Variants in RPS6KC1 observed in about 807,000 individuals in gnomAD.
RPS6KC1 encodes the protein ribosomal protein S6 kinase C1, also known as inactive ribosomal protein S6 kinase delta-1.
Under a neutral mutation model 103.8 loss-of-function variants are expected in RPS6KC1, and 54 were observed. That is an observed-to-expected ratio of 0.52 (90% CI 0.42 to 0.65). The LOEUF (loss-of-function observed/expected upper bound fraction) is 0.65, where lower values mean the gene tolerates loss of function less well. Among genes scored for constraint, RPS6KC1 ranks in the 30% least tolerant of loss-of-function variants. The pLI, the probability that RPS6KC1 is intolerant of heterozygous loss-of-function variation, is 0.00. For synonymous variants in RPS6KC1, 439 were observed against 438.7 expected (o/e 1.00, Z -0.01); for missense variants, 1,151 against 1,253.8 (o/e 0.92, Z 1.24).
the RPS6KC1 span, among the ~76,000 whole-genome samples, chr1:213,553,463 A>G: frequency 6.6e-6 from 1 of 152,228 alleles, no homozygotes; most frequent in Non-Finnish European, 1.5e-5. Context: ...GTGCTGCAAT[A>G]AACATATGCA....
At chr1:213,346,152 C>T in the RPS6KC1 span, among the ~76,000 whole-genome samples, 1 of 152,108 alleles carries the variant, frequency 6.6e-6, no homozygotes, top group Admixed American at 6.5e-5. Context: ...CAATTTTTGC[C>T]TTGCATTTAA....
chr1:213,849,201 G>C, the RPS6KC1 span, among the ~76,000 whole-genome samples: 8 of 152,176 alleles, frequency 5.3e-5, no homozygotes, highest in Non-Finnish European at 8.8e-5. Flanking sequence ...GGACTCAGCT[G>C]GGTCACCTCT....
intron 8 of RPS6KC1, among the ~76,000 whole-genome samples, chr1:213,178,186 AAAATAAATAAATAAATAAATAAAT>A (rs35813252): frequency 7.8e-6 from 1 of 128,266 alleles, no homozygotes; most frequent in African/African-American, 3.0e-5. Flanking sequence ...ACTCTGTCTC[AAAATAAATAAATAAATAAATAAAT>A]AAATAAATAA....
chr1:213,128,512 T>C (rs1350461749), intron 5 of RPS6KC1, among the ~76,000 whole-genome samples: 1 of 152,170 alleles, frequency 6.6e-6, no homozygotes. Flanking sequence ...GTCTGATATG[T>C]ATTGTGGATC....
the RPS6KC1 span, among the ~76,000 whole-genome samples, chr1:213,625,108 G>A: frequency 2.8e-4 from 43 of 152,042 alleles, no homozygotes; most frequent in East Asian, 5.6e-3. Flanking sequence ...TCAGCCTCCC[G>A]AGTAGCCCGC....
At chr1:213,267,559 A>G (rs2094940972) in intron 14 of RPS6KC1, among the ~76,000 whole-genome samples, 1 of 152,060 alleles carries the variant, frequency 6.6e-6, no homozygotes, top group Non-Finnish European at 1.5e-5. Flanking sequence ...AAAAATCAGT[A>G]GAAATTGTCT....
At chr1:213,182,153 A>G (rs2092301585) in intron 8 of RPS6KC1, among the ~76,000 whole-genome samples, 1 of 152,198 alleles carries the variant, frequency 6.6e-6, no homozygotes. Flanking sequence ...TATATATAAT[A>G]TAACTAGAGC....
chr1:213,428,233 C>T, the RPS6KC1 span, among the ~76,000 whole-genome samples: 14 of 152,160 alleles, frequency 9.2e-5, no homozygotes, highest in African/African-American at 2.4e-4. Context: ...TGCCTGGACA[C>T]GCTCTCATTT....
chr1:213,624,225 T>C, the RPS6KC1 span, among the ~76,000 whole-genome samples: 1 of 152,222 alleles, frequency 6.6e-6, no homozygotes, highest in Non-Finnish European at 1.5e-5. Flanking sequence ...TGGCATATGA[T>C]ACTACCTACA....
At chr1:213,347,897 G>T in the RPS6KC1 span, among the ~76,000 whole-genome samples, 3 of 152,216 alleles carry the variant, frequency 2.0e-5, no homozygotes, top group Non-Finnish European at 4.4e-5. Flanking sequence ...CACCAGTATG[G>T]CAATAGGACA....
At chr1:213,300,770 T>TGGAGGCAGAGGAGGAGGC in the RPS6KC1 span, among the ~76,000 whole-genome samples, 1 of 152,238 alleles carries the variant, frequency 6.6e-6, no homozygotes, top group Non-Finnish European at 1.5e-5. Flanking sequence ...GTCAGTGTTC[T>TGGAGGCAGAGGAGGAGGC]GGAGGCAGAG....
At chr1:213,173,387 A>T (rs2148256210) in intron 7 of RPS6KC1, among the ~76,000 whole-genome samples, 1 of 152,306 alleles carries the variant, frequency 6.6e-6, no homozygotes, top group African/African-American at 2.4e-5. Context: ...ACCTTACTAA[A>T]TCACTGTTTT....
chr1:213,167,476 ACACACACACACAC>A lies in RPS6KC1; in HGVS notation c.836-381_836-369del, dbSNP rs1558462405. On this transcript the variant is annotated intron_variant, in intron 6 of 14. Transcript: ENST00000366960. ...CACACACACACACACACACACACAC[ACACACACACACAC>A]AACAGCTGTTGCATTTGGTCCTATT... Among the ~76,000 whole-genome samples the A allele has an allele frequency of 6.4e-3, 941 of 146,934 alleles. 19 individuals are homozygous for A. The highest frequency in any genetic ancestry group is 0.019 in the African/African-American group (784 of 40,254).
At chr1:213,486,770 C>T in the RPS6KC1 span, among the ~76,000 whole-genome samples, 177 of 152,234 alleles carry the variant, frequency 1.2e-3, no homozygotes, top group African/African-American at 4.0e-3. Context: ...GGCATGGGCC[C>T]GTGGGCTGGG....
At chr1:213,279,650 C>G (rs2095118832), downstream of RPS6KC1, among the ~76,000 whole-genome samples, 1 of 152,166 alleles carries the variant, frequency 6.6e-6, no homozygotes, top group Non-Finnish European at 1.5e-5. Context: ...TGACTTCTCT[C>G]TTTGTACCAG....
chr1:213,831,573 T>C, the RPS6KC1 span, among the ~76,000 whole-genome samples: 1 of 152,242 alleles, frequency 6.6e-6, no homozygotes, highest in Non-Finnish European at 1.5e-5. Flanking sequence ...ACATTTGTGG[T>C]AATTTGTCAC....
chr1:213,787,110 A>G, the RPS6KC1 span, among the ~76,000 whole-genome samples: 18 of 152,056 alleles, frequency 1.2e-4, no homozygotes, highest in African/African-American at 4.3e-4. Flanking sequence ...TCATCAAGCT[A>G]TTAGATCTCT....
intron 1 of RPS6KC1, among the ~76,000 whole-genome samples, chr1:213,067,936 G>A (rs987335586): frequency 6.6e-6 from 1 of 152,094 alleles, no homozygotes; most frequent in Non-Finnish European, 1.5e-5. Context: ...CTTCTAATAT[G>A]TACACCAAAC....
the RPS6KC1 span, among the ~76,000 whole-genome samples, chr1:213,717,665 A>G: frequency 9.1e-4 from 138 of 152,362 alleles, 1 homozygote; most frequent in African/African-American, 3.2e-3. Context: ...GATGTCATCA[A>G]ATATGCTACT....
Sources: allele counts gnomAD v4.1 joint callset (sites outside exome capture counted in the v4.1 genomes callset), GRCh38; gene constraint gnomAD v4.1.1; transcripts MANE v1.5; gene names NCBI Gene and HGNC (gene_info 2026-07-23, HGNC 2026-07-21).